The following ADAMTS9 variants were observed in gnomAD, a reference collection of about 807,000 sequenced individuals.
ADAMTS9 encodes A disintegrin and metalloproteinase with thrombospondin motifs 9.
A neutral mutation model predicts 257.1 loss-of-function variants in ADAMTS9; 107 were observed. The ratio of observed to expected loss-of-function variants is 0.42; its 90% CI spans 0.36 to 0.49. The LOEUF is 0.49. Ranked by LOEUF, ADAMTS9 falls within the 20% of genes least tolerant of loss-of-function variation. The pLI is 0.03. For synonymous variants in ADAMTS9, 982 were observed against 880.9 expected (o/e 1.11, Z -2.03); for missense variants, 2,353 against 2,469.1 (o/e 0.95, Z 1.00).
At chr3:64,542,103 A>G (rs1575997240) in intron 32 of ADAMTS9, 133 bp from the exon 33 acceptor site, 1 of 1,220,780 alleles carries the variant, frequency 8.2e-7, no homozygotes, top group East Asian at 2.4e-5. Context: ...CTGAATACAA[A>G]AAGCTGACAT....
At chr3:64,553,387 C>G (rs780234191) in intron 30 of ADAMTS9, among the ~76,000 whole-genome samples, 46 of 152,184 alleles carry the variant, frequency 3.0e-4, no homozygotes, top group Non-Finnish European at 5.1e-4. Context: ...ATATTTCACT[C>G]CTTTTTAAGG....
At chr3:64,683,167 A>G (rs902092291) in intron 2 of ADAMTS9, among the ~76,000 whole-genome samples, 1 of 152,178 alleles carries the variant, frequency 6.6e-6, no homozygotes, top group Non-Finnish European at 1.5e-5. Context: ...AGAGCATATC[A>G]CAACATGTGA....
Position 64,655,659 on chromosome 3 carries a change from T to C in ADAMTS9, c.1086A>G (p.Thr362=). The C allele has an allele frequency of 1.2e-6, 2 of 1,614,208 alleles. No homozygotes were observed. Among genetic ancestry groups the C allele is most frequent in the Non-Finnish European group, 1.7e-6 (2 of 1,180,026 alleles). ...DGPSISFNAQ[T]TLKNFCQWQH... ...GCCACTGGCAAAAGTTTTTTAATGT[T>C]GTCTGAGCATTAAAAGATATGGAAG... The change falls in exon 6 of 40, where the codon ACA becomes ACG. Residue 362 remains threonine, a synonymous_variant. Coordinates refer to ENST00000498707, the MANE Select transcript of ADAMTS9 (RefSeq NM_182920.2).
chr3:64,560,892 T>G (rs1340893707), intron 30 of ADAMTS9, among the ~76,000 whole-genome samples: 1 of 152,144 alleles, frequency 6.6e-6, no homozygotes, highest in African/African-American at 2.4e-5. Context: ...TTTCTACAGT[T>G]TAATCTTCTG....
chr3:64,602,396 G>C (rs964455112), intron 25 of ADAMTS9, among the ~76,000 whole-genome samples, 183 bp from the exon 26 acceptor site: 1 of 152,128 alleles, frequency 6.6e-6, no homozygotes, highest in Non-Finnish European at 1.5e-5. Context: ...AAATCTGTCA[G>C]CTCAGTATTC....
Position 64,517,653 on chromosome 3 carries a change from C to T in ADAMTS9, c.*6-532G>A, listed in dbSNP as rs528715204. Reference sequence around the variant, plus strand: ...ATTTAAAAACCCACTAGCCTGAAATCCCCCCACCTGAGATAACTGCTCTTC... The same window carrying T: ...ATTTAAAAACCCACTAGCCTGAAATTCCCCCACCTGAGATAACTGCTCTTC... On this transcript the variant is annotated intron_variant, in intron 39 of 39. Coordinates refer to ENST00000498707, the MANE Select transcript of ADAMTS9 (RefSeq NM_182920.2). Among the ~76,000 whole-genome samples, 9 of 151,720 alleles carry T rather than the reference C, an allele frequency of 5.9e-5. No individual in the cohort carries two copies. The East Asian group carries it at 7.7e-4, about 13-fold the overall frequency.
At chr3:64,681,487 G>T (rs1211758072) in intron 2 of ADAMTS9, 124 bp from the exon 3 acceptor site, 3 of 989,402 alleles carry the variant, frequency 3.0e-6, no homozygotes, top group Non-Finnish European at 4.3e-6. Flanking sequence ...CAGGAGGGTT[G>T]TTTCAACTGA....
chr3:64,566,309 G>C (rs560979823), intron 29 of ADAMTS9, among the ~76,000 whole-genome samples: 1 of 152,262 alleles, frequency 6.6e-6, no homozygotes, highest in Non-Finnish European at 1.5e-5. Context: ...TGCCCAAATT[G>C]AATTTTACCC....
Position 64,648,735 on chromosome 3 carries a change from TCTTAA to T in ADAMTS9, c.1606-696_1606-692del, listed in dbSNP as rs986559982. 9.9e-5 allele frequency among the ~76,000 whole-genome samples: 15 copies of T among 152,060 alleles called. No individual in the cohort carries two copies. The South Asian group carries it at 1.0e-3, about 11-fold the overall frequency. On this transcript the variant is annotated intron_variant, in intron 10 of 39. Transcript: ENST00000498707. ...CTTCATAAAATTGTTTATCTTGTTA[TCTTAA>T]CTTAAAATTATAGCAGGAGCATGTT...
At position 64,615,945 on chromosome 3, in the gene ADAMTS9, T is replaced by G. The variant is rs1241309336; in HGVS notation, c.3024+15A>C. The G allele has an allele frequency of 1.2e-6, 2 of 1,612,406 alleles. No individual in the cohort carries two copies. Among genetic ancestry groups the G allele is most frequent in the Non-Finnish European group, 1.7e-6 (2 of 1,179,870 alleles). On this transcript the variant is annotated intron_variant, in intron 20 of 39. Transcript: ENST00000498707. The stretch of plus-strand genomic sequence containing the variant: ...ACAGCATCCAAGAAGACTCTTTGAG[T>G]GAGAGCCAACTTACTTCAGTCCAGG...
At chr3:64,640,653 C>T (rs1213075178) in intron 12 of ADAMTS9, among the ~76,000 whole-genome samples, 1 of 152,144 alleles carries the variant, frequency 6.6e-6, no homozygotes, top group Non-Finnish European at 1.5e-5. Flanking sequence ...CTTCTTGGTT[C>T]CCAGCCTAAA....
chr3:64,636,489 G>T (rs183372244), intron 12 of ADAMTS9, among the ~76,000 whole-genome samples: 9 of 152,160 alleles, frequency 5.9e-5, no homozygotes, highest in African/African-American at 1.9e-4. Flanking sequence ...CTGTAGTGAG[G>T]GTTAACTAGA....
intron 38 of ADAMTS9, among the ~76,000 whole-genome samples, chr3:64,523,935 G>C (rs1171577008): frequency 6.6e-6 from 1 of 152,156 alleles, no homozygotes; most frequent in East Asian, 1.9e-4. Flanking sequence ...ATTAGCTTTT[G>C]CTTCAGAGTT....
At chr3:64,675,453 C>G (rs1042933409) in intron 3 of ADAMTS9, among the ~76,000 whole-genome samples, 3 of 152,036 alleles carry the variant, frequency 2.0e-5, no homozygotes, top group Non-Finnish European at 4.4e-5. Flanking sequence ...TCTGTCTCTA[C>G]AGTTTTTGTT....
Position 64,516,688 on chromosome 3 carries a change from A to C in ADAMTS9, c.*439T>G, listed in dbSNP as rs1049649906. The C allele has an allele frequency of 3.3e-5, 5 of 152,528 alleles. No individual in the cohort carries two copies. The highest frequency in any genetic ancestry group is 1.2e-4 in the African/African-American group (5 of 41,412). 9.4% of individuals were successfully genotyped at this position (152,528 alleles called of 1,614,324 possible). A position where few individuals can be genotyped will look rare whatever the true frequency, so the allele number is the denominator to read the frequency against. ...AAATGCCAAAAATATCTTTTATACAACTCTTATAGCACCTTGATGATGGCT... is the reference window on the plus strand; with the variant it reads ...AAATGCCAAAAATATCTTTTATACACCTCTTATAGCACCTTGATGATGGCT... On this transcript the variant is annotated 3_prime_UTR_variant, in exon 40 of 40. Transcript: ENST00000498707.
At chr3:64,643,719 C>T (rs1576154154) in intron 11 of ADAMTS9, among the ~76,000 whole-genome samples, 1 of 151,876 alleles carries the variant, frequency 6.6e-6, no homozygotes, top group Non-Finnish European at 1.5e-5. Flanking sequence ...CCCTCCTTGG[C>T]CTCCCAAACT....
At position 64,596,842 on chromosome 3, in the gene ADAMTS9, G is replaced by A. The variant is rs752168136; in HGVS notation, c.4167C>T (p.Gly1389=). The change falls in exon 27 of 40, where the codon GGC becomes GGT. Residue 1389 remains glycine (G), a synonymous_variant. Coordinates refer to ENST00000498707, the MANE Select transcript of ADAMTS9 (RefSeq NM_182920.2). Reference sequence around the variant, plus strand: ...AGTTCACTCTCACCTCTCCCCAGTTGCCATAAGCCCACTGAGGACAAGGGC... The same window carrying A: ...AGTTCACTCTCACCTCTCCCCAGTTACCATAAGCCCACTGAGGACAAGGGC... ...ESGPCPQWAY[G]NWGECTKLCG... The A allele has an allele frequency of 2.6e-5, 42 of 1,613,724 alleles. No homozygotes were observed. The South Asian group carries it at 4.0e-4, about 15-fold the overall frequency.
intron 36 of ADAMTS9, among the ~76,000 whole-genome samples, chr3:64,540,679 C>A (rs1240250943): frequency 6.6e-6 from 1 of 152,192 alleles, no homozygotes; most frequent in Non-Finnish European, 1.5e-5. Flanking sequence ...CCCACACTGA[C>A]CCCTGTGCCT....
At chr3:64,672,647 C>A (rs1173747653) in intron 3 of ADAMTS9, among the ~76,000 whole-genome samples, 2 of 150,912 alleles carry the variant, frequency 1.3e-5, no homozygotes, top group Non-Finnish European at 3.0e-5. Context: ...CGCGCCACTG[C>A]ACTCCAGCCT....
Sources: gnomAD v4.1 joint callset for allele counts (sites outside exome capture counted in the v4.1 genomes callset) on GRCh38, gnomAD v4.1.1 for gene constraint, MANE v1.5 for transcripts, NCBI Gene and HGNC (gene_info 2026-07-23, HGNC 2026-07-21) for gene names.